KAT2B: variants seen among roughly 807,000 people sequenced by gnomAD.
The protein encoded by KAT2B is lysine acetyltransferase 2B.
Under a neutral mutation model 105.9 loss-of-function variants are expected in KAT2B, and 36 were observed. That is an observed-to-expected ratio of 0.34 (90% CI 0.26 to 0.45). KAT2B has a LOEUF of 0.45. Ranked by LOEUF, KAT2B falls within the 20% of genes least tolerant of loss-of-function variation. The probability of loss-of-function intolerance (pLI) is 1.00; values close to 1 mark genes in which losing one functional copy is unlikely to be tolerated. For synonymous variants in KAT2B, 397 were observed against 377.9 expected, an observed-to-expected ratio of 1.05 and a Z score of -0.59; for missense variants, 820 against 1,021.6, an observed-to-expected ratio of 0.80 and a Z score of 2.69.
chr3:20,072,411 A>G lies in KAT2B; in HGVS notation c.382A>G (p.Ile128Val). Residue 128 changes from isoleucine to valine, a missense_variant, in exon 2 of 18, where the codon ATA (isoleucine) becomes GTA (valine). By Grantham distance (29) the Ile-to-Val change is conservative. Around this residue, in one of 6 missense-constraint regions of KAT2B, gnomAD observed 190 missense variants for 176.7 expected, o/e 1.08. Transcript: ENST00000263754. The part of the protein sequence containing the change: ...PTPPRADLQQ[I>V]IVSLTESCRS... ...TCCCCCCAGAGCCGACCTGCAGCAA[A>G]TAATTGTCAGTCTAACAGAATCCTG... 6.2e-7 allele frequency: 1 copy of G among 1,613,888 alleles called. No individual in the cohort carries two copies. The highest frequency in any genetic ancestry group is 8.5e-7 in the Non-Finnish European group (1 of 1,179,786).
intron 2 of KAT2B, among the ~76,000 whole-genome samples, chr3:20,082,130 G>A (rs1380957597): frequency 6.6e-6 from 1 of 151,970 alleles, no homozygotes; most frequent in Non-Finnish European, 1.5e-5. Flanking sequence ...CACCTCCTGG[G>A]TTCAAATGAT....
chr3:20,132,981 A>G (rs1699537459), intron 11 of KAT2B, among the ~76,000 whole-genome samples: 1 of 152,254 alleles, frequency 6.6e-6, no homozygotes, highest in Admixed American at 6.5e-5. Flanking sequence ...TTTCCTGTGC[A>G]CATGCAATTC....
intron 5 of KAT2B, among the ~76,000 whole-genome samples, chr3:20,105,523 C>A (rs1698984539): frequency 6.6e-6 from 1 of 152,090 alleles, no homozygotes; most frequent in South Asian, 2.1e-4. Context: ...TGCCTGTAAT[C>A]CCAGCAACTT....
chr3:20,146,738 A>G (rs574824560), intron 14 of KAT2B, among the ~76,000 whole-genome samples: 22 of 152,296 alleles, frequency 1.4e-4, no homozygotes, highest in African/African-American at 4.3e-4. Flanking sequence ...AGGGAATCCT[A>G]TTTTATAAAT....
chr3:20,086,860 C>G (rs1028717110), intron 2 of KAT2B, among the ~76,000 whole-genome samples: 1 of 85,968 alleles, frequency 1.2e-5, no homozygotes. Flanking sequence ...CAGCTCACCA[C>G]AACCTCCACC....
chr3:20,140,566 C>T (rs1402015698), intron 13 of KAT2B, among the ~76,000 whole-genome samples: 1 of 152,216 alleles, frequency 6.6e-6, no homozygotes, highest in Non-Finnish European at 1.5e-5. Context: ...CACTATCTCA[C>T]TGTAACCTCT....
chr3:20,048,203 A>C (rs1697849774), intron 1 of KAT2B, among the ~76,000 whole-genome samples: 1 of 152,214 alleles, frequency 6.6e-6, no homozygotes, highest in South Asian at 2.1e-4. Context: ...GGCACAATAC[A>C]AAAAGCCTGA....
intron 1 of KAT2B, among the ~76,000 whole-genome samples, chr3:20,049,372 C>T (rs772059137): frequency 2.6e-5 from 4 of 152,160 alleles, no homozygotes; most frequent in African/African-American, 4.8e-5. Flanking sequence ...TTATGTCTCA[C>T]GACATTTGAT....
At chr3:20,117,270 A>C (rs1699222641) in intron 7 of KAT2B, among the ~76,000 whole-genome samples, 1 of 152,182 alleles carries the variant, frequency 6.6e-6, no homozygotes, top group Non-Finnish European at 1.5e-5. Context: ...TGGCGTGTAC[A>C]CTTTAGTATT....
intron 10 of KAT2B, among the ~76,000 whole-genome samples, chr3:20,126,529 A>C (rs1005666305): frequency 6.6e-6 from 1 of 151,664 alleles, no homozygotes; most frequent in African/African-American, 2.4e-5. Flanking sequence ...AAAAAAAAAA[A>C]ACAAAAAACT....
intron 1 of KAT2B, among the ~76,000 whole-genome samples, chr3:20,070,373 C>T (rs1373508855): frequency 2.7e-5 from 4 of 147,690 alleles, no homozygotes; most frequent in Admixed American, 1.4e-4. Flanking sequence ...TGTGCAATCT[C>T]GGCTCACTGC....
At chr3:20,121,732 A>ATGTGTG (rs3840188) in intron 8 of KAT2B, among the ~76,000 whole-genome samples, 1,214 of 109,674 alleles carry the variant, frequency 0.011, 13 homozygotes, top group Middle Eastern at 0.014. Context: ...ACATATGCAT[A>ATGTGTG]TGTGTGTGTG....
chr3:20,143,003 T>C (rs1267726391), intron 13 of KAT2B, among the ~76,000 whole-genome samples: 3 of 151,962 alleles, frequency 2.0e-5, no homozygotes, highest in African/African-American at 7.3e-5. Context: ...ATACAAGGAA[T>C]TGGGGTTGGA....
intron 5 of KAT2B, among the ~76,000 whole-genome samples, chr3:20,105,937 T>C (rs1390760474): frequency 6.6e-6 from 1 of 152,182 alleles, no homozygotes; most frequent in Non-Finnish European, 1.5e-5. Context: ...ATACTGAGCA[T>C]TCATTATTAG....
intron 2 of KAT2B, among the ~76,000 whole-genome samples, chr3:20,094,396 A>T (rs187734180): frequency 1.3e-5 from 2 of 152,246 alleles, no homozygotes; most frequent in Non-Finnish European, 2.9e-5. Context: ...CTCCCTTGAC[A>T]TGTGGGGATT....
intron 3 of KAT2B, among the ~76,000 whole-genome samples, chr3:20,099,343 G>T (rs1698867588): frequency 6.6e-6 from 1 of 152,200 alleles, no homozygotes; most frequent in Admixed American, 6.5e-5. Flanking sequence ...TGATGCGTAT[G>T]CCGTGCAGCT....
intron 2 of KAT2B, among the ~76,000 whole-genome samples, chr3:20,083,224 G>A (rs1165797180): frequency 6.6e-6 from 1 of 150,378 alleles, no homozygotes; most frequent in Non-Finnish European, 1.5e-5. Context: ...TTTGTGCATT[G>A]TAGTTTATAG....
intron 3 of KAT2B, 148 bp downstream of exon 3, chr3:20,095,556 T>G: frequency 1.7e-6 from 1 of 574,400 alleles, no homozygotes; most frequent in Non-Finnish European, 3.1e-6. Context: ...CATGACTGAT[T>G]CTCTAAAATG....
At chr3:20,072,226 G>A in intron 1 of KAT2B, 107 bp from the exon 2 acceptor site, 1 of 1,161,538 alleles carries the variant, frequency 8.6e-7, no homozygotes, top group Non-Finnish European at 1.3e-6. Flanking sequence ...AAAGTCAGGG[G>A]TGAGGGGATA....
Sources: gnomAD v4.1 joint callset for allele counts (sites outside exome capture counted in the v4.1 genomes callset) on GRCh38, gnomAD v4.1.1 for gene constraint, gnomAD v4.1.1 regional missense constraint, MANE v1.5 for transcripts, NCBI Gene and HGNC (gene_info 2026-07-23, HGNC 2026-07-21) for gene names.